ZNF69: variants seen among roughly 807,000 people sequenced by gnomAD.
ZNF69 encodes the protein zinc finger protein 69.
In ZNF69, 47 loss-of-function variants were observed where a neutral mutation model predicts 50.9. The ratio of observed to expected loss-of-function variants is 0.92; its 90% CI spans 0.73 to 1.18. The LOEUF is 1.18. ZNF69 is among the 50% of genes most tolerant of loss of function. The probability of loss-of-function intolerance (pLI) is 0.00; values close to 1 mark genes in which losing one functional copy is unlikely to be tolerated. For synonymous variants in ZNF69, 216 were observed against 223.1 expected (o/e 0.97, Z 0.29); for missense variants, 717 against 675.1 (o/e 1.06, Z -0.69).
chr19:11,937,631 G>A, the ZNF69 span, among the ~76,000 whole-genome samples: 1 of 151,454 alleles, frequency 6.6e-6, no homozygotes, highest in Non-Finnish European at 1.5e-5. Context: ...TGAGACTACA[G>A]GTGCCTACCA....
At chr19:11,974,415 T>C in the ZNF69 span, among the ~76,000 whole-genome samples, 1 of 151,902 alleles carries the variant, frequency 6.6e-6, no homozygotes, top group South Asian at 2.1e-4. Context: ...CGGGGTGGTC[T>C]CAAATTTCTG....
downstream of ZNF69, among the ~76,000 whole-genome samples, chr19:11,908,855 ACCCTTC>A (rs2145249222): frequency 6.6e-6 from 1 of 152,202 alleles, no homozygotes; most frequent in Admixed American, 6.5e-5. Context: ...GACAGAAAAA[ACCCTTC>A]AAAAAATCAG....
At chr19:11,960,419 C>T in the ZNF69 span, among the ~76,000 whole-genome samples, 1 of 152,162 alleles carries the variant, frequency 6.6e-6, no homozygotes, top group Non-Finnish European at 1.5e-5. Flanking sequence ...AGCTCCTAGG[C>T]TTGAGCAATC....
At chr19:11,933,267 GT>G in the ZNF69 span, among the ~76,000 whole-genome samples, 1 of 146,920 alleles carries the variant, frequency 6.8e-6, no homozygotes, top group East Asian at 2.0e-4. Flanking sequence ...AAAAAAAAAT[GT>G]TTTAAACCAA....
the ZNF69 span, chr19:11,949,997 G>A: frequency 1.9e-6 from 3 of 1,613,928 alleles, no homozygotes; most frequent in Non-Finnish European, 2.5e-6. Flanking sequence ...AAAGCATTCT[G>A]TAAATTCTCT....
the ZNF69 span, chr19:11,948,134 C>T: frequency 1.1e-6 from 1 of 951,306 alleles, no homozygotes; most frequent in South Asian, 1.7e-5. Flanking sequence ...TAGAACATGT[C>T]CAGTCACCTT....
the ZNF69 span, among the ~76,000 whole-genome samples, chr19:11,967,428 G>T: frequency 5.3e-5 from 8 of 151,786 alleles, no homozygotes; most frequent in Admixed American, 3.9e-4. Context: ...TTTTTGAGAC[G>T]GAGTCTCGCT....
At chr19:11,922,717 T>A in the ZNF69 span, among the ~76,000 whole-genome samples, 1 of 152,150 alleles carries the variant, frequency 6.6e-6, no homozygotes, top group African/African-American at 2.4e-5. Flanking sequence ...GTGGCCAGAA[T>A]GATCCAGTCC....
chr19:11,919,628 A>G, the ZNF69 span, among the ~76,000 whole-genome samples: 1 of 152,036 alleles, frequency 6.6e-6, no homozygotes, highest in South Asian at 2.1e-4. Context: ...CTAAACCCCA[A>G]CATGGTCATA....
At chr19:11,952,437 T>A in the ZNF69 span, among the ~76,000 whole-genome samples, 1 of 152,204 alleles carries the variant, frequency 6.6e-6, no homozygotes, top group Non-Finnish European at 1.5e-5. Context: ...TCTCTGATAA[T>A]GTGCTGTTGA....
chr19:11,910,139 G>A (rs1157599600), downstream of ZNF69, among the ~76,000 whole-genome samples: 1 of 152,092 alleles, frequency 6.6e-6, no homozygotes, highest in African/African-American at 2.4e-5. Context: ...TCTTCAAAGA[G>A]AACTACAAAC....
chr19:11,904,655 C>T lies in ZNF69; in HGVS notation c.258C>T (p.Leu86=). 3 of 1,611,500 alleles carry T rather than the reference C, an allele frequency of 1.9e-6. No homozygotes were observed. The highest frequency in any genetic ancestry group is 1.7e-6 in the Non-Finnish European group (2 of 1,179,364). ...YQNPRRNFRS[L]IEKKVNEIKD... ...TGCTTCTCATTTTTGACAGGAGTCT[C>T]ATAGAAAAGAAAGTCAATGAAATTA... Residue 86 remains leucine, a synonymous_variant, in exon 4 of 4, where the codon CTC becomes CTT. Coordinates refer to ENST00000429654, the MANE Select transcript of ZNF69 (RefSeq NM_001364730.1).
the ZNF69 span, among the ~76,000 whole-genome samples, chr19:11,975,333 C>A: frequency 6.6e-6 from 1 of 152,016 alleles, no homozygotes; most frequent in Admixed American, 6.5e-5. Flanking sequence ...CCACACCCCC[C>A]AAAGTTCTGG....
At chr19:11,976,789 C>T in the ZNF69 span, 2 of 1,085,522 alleles carry the variant, frequency 1.8e-6, no homozygotes, top group South Asian at 4.0e-5. Context: ...TCGCTTGAAC[C>T]CCGGTCATGA....
chr19:11,901,733 C>T (rs1972248205), intron 1 of ZNF69, among the ~76,000 whole-genome samples: 1 of 152,036 alleles, frequency 6.6e-6, no homozygotes, highest in Non-Finnish European at 1.5e-5. Context: ...ATCCGCCCAC[C>T]TTAACCTCCC....
chr19:11,980,161 C>A, the ZNF69 span: 1 of 664,334 alleles, frequency 1.5e-6, no homozygotes, highest in Non-Finnish European at 2.5e-6. Flanking sequence ...AGGTGAATCA[C>A]CTGAGGTCAG....
Position 11,904,843 on chromosome 19 carries a change from T to C in ZNF69, c.446T>C (p.Ile149Thr), listed in dbSNP as rs748878242. 16 of 1,614,080 alleles carry C rather than the reference T, an allele frequency of 9.9e-6. No homozygotes were observed. The East Asian group carries it at 2.2e-4, about 22-fold the overall frequency. The change falls in exon 4 of 4, where the codon ATT becomes ACT. Residue 149 changes from isoleucine (I) to threonine (T), a missense_variant. Ile to Thr is a moderately conservative substitution (Grantham distance 89). Transcript: ENST00000429654. ...TTTAATATGAACATCAGAGGTGACATTGGACACAAGGCCTATGAGTATCAG... is the reference window on the plus strand; with the variant it reads ...TTTAATATGAACATCAGAGGTGACACTGGACACAAGGCCTATGAGTATCAG... ...SSFNMNIRGD[I>T]GHKAYEYQEY...
At chr19:11,975,846 C>T in the ZNF69 span, among the ~76,000 whole-genome samples, 1 of 151,958 alleles carries the variant, frequency 6.6e-6, no homozygotes, top group Non-Finnish European at 1.5e-5. Flanking sequence ...CTTATTACAC[C>T]TGGATATATA....
the ZNF69 span, among the ~76,000 whole-genome samples, chr19:11,960,183 C>A: frequency 1.3e-5 from 2 of 152,064 alleles, no homozygotes; most frequent in Non-Finnish European, 2.9e-5. Context: ...CCACCCCCAG[C>A]TAATTTTTGT....
Sources: gnomAD v4.1 joint callset for allele counts (sites outside exome capture counted in the v4.1 genomes callset) on GRCh38, gnomAD v4.1.1 for gene constraint, MANE v1.5 for transcripts, NCBI Gene and HGNC (gene_info 2026-07-23, HGNC 2026-07-21) for gene names.